The following SPOP variants were observed in gnomAD, a reference collection of about 807,000 sequenced individuals.
SPOP encodes speckle type BTB/POZ protein, also known as speckle-type POZ protein.
SPOP carries 11 observed loss-of-function variants against 45.6 expected under a neutral mutation model. That is an observed-to-expected ratio of 0.24 (90% CI 0.15 to 0.40). The LOEUF is 0.40. Among genes scored for constraint, SPOP ranks in the 10% least tolerant of loss-of-function variants. The pLI, the probability that SPOP is intolerant of heterozygous loss-of-function variation, is 1.00. For synonymous variants in SPOP, 166 were observed against 166.3 expected (o/e 1.00, Z 0.01); for missense variants, 152 against 465.6 (o/e 0.33, Z 6.20).
chr17:49,612,683 C>T (rs1293831582), intron 5 of SPOP: 1 of 152,238 alleles, frequency 6.6e-6, no homozygotes, highest in African/African-American at 2.4e-5. Context: ...AGATAGGACA[C>T]TGCAGATCAG....
chr17:49,647,336 A>T (rs940436377), intron 1 of SPOP, among the ~76,000 whole-genome samples: 22 of 151,004 alleles, frequency 1.5e-4, no homozygotes, highest in African/African-American at 5.1e-4. Context: ...AAAAAAAAAA[A>T]AAAAAAAGTT....
At chr17:49,603,423 T>G (rs2071776746) in intron 8 of SPOP, among the ~76,000 whole-genome samples, 1 of 152,222 alleles carries the variant, frequency 6.6e-6, no homozygotes, top group Non-Finnish European at 1.5e-5. Flanking sequence ...TATTGCATAA[T>G]TAGACAAAAG....
Position 49,619,519 on chromosome 17 carries a change from T to A in SPOP, c.201-134A>T. 3.9e-6 allele frequency: 4 copies of A among 1,020,058 alleles called. No homozygotes were observed. Among genetic ancestry groups the A allele is most frequent in the Non-Finnish European group, 5.6e-6 (4 of 719,200 alleles). 63.2% of individuals were successfully genotyped at this position (1,020,058 alleles called of 1,614,324 possible). ...GAAGAATATAATTCAGTAGAATGAC[T>A]AGTTGGGAACAACTTTTTTCTCTTT... On this transcript the variant is annotated intron_variant, in intron 3 of 9. Transcript: ENST00000504102. The surrounding 1 kb of genome is among the most constrained non-coding windows in gnomAD (Gnocchi z 4.9).
chr17:49,600,465 G>T lies in SPOP; in HGVS notation c.1038C>A (p.Pro346=), dbSNP rs752649235. 1.2e-6 allele frequency: 2 copies of T among 1,614,094 alleles called. No homozygotes were observed. The highest frequency in any genetic ancestry group is 2.2e-5 in the South Asian group (2 of 91,078). ...AGCGGTATGCCTCAGCCACCAAGTG[G>T]GGATGTGACACCACCATTGACTTCC... ...SGWKSMVVSH[P]HLVAEAYRSL... is the part of the protein sequence containing the mutation. The change falls in exon 10 of 10, where the codon CCC becomes CCA. Residue 346 remains proline, a synonymous_variant. Transcript: ENST00000504102. The surrounding 1 kb of genome is among the most constrained non-coding windows in gnomAD (Gnocchi z 4.2).
At chr17:49,632,613 C>T (rs1249663636) in intron 1 of SPOP, among the ~76,000 whole-genome samples, 2 of 152,104 alleles carry the variant, frequency 1.3e-5, no homozygotes, top group Non-Finnish European at 2.9e-5. Context: ...CCGCCTTAGC[C>T]TCCCAAGTAG....
intron 1 of SPOP, among the ~76,000 whole-genome samples, chr17:49,630,364 T>C (rs1340584335): frequency 6.6e-6 from 1 of 152,220 alleles, no homozygotes; most frequent in Non-Finnish European, 1.5e-5. Context: ...CATACTGACT[T>C]CTACTGTTGC....
intron 1 of SPOP, among the ~76,000 whole-genome samples, chr17:49,623,333 T>C (rs1456088157): frequency 6.6e-6 from 1 of 152,136 alleles, no homozygotes; most frequent in East Asian, 1.9e-4. Flanking sequence ...AATGTTAACA[T>C]CAGAGAAGAC....
chr17:49,677,076 T>C lies in SPOP; in HGVS notation c.-67+857A>G, dbSNP rs574352463. Among the ~76,000 whole-genome samples, 8 of 152,328 alleles carry C rather than the reference T, an allele frequency of 5.3e-5. No homozygotes were observed. The East Asian group carries it at 1.3e-3, about 26-fold the overall frequency. On this transcript the variant is annotated intron_variant, in intron 1 of 9. Transcript: ENST00000504102. ...ACACAAAGTAAGAAGGCCGGTGCCCTTTATCTCTCTTATCTAGTTCTGCGA... is the reference window on the plus strand; with the variant it reads ...ACACAAAGTAAGAAGGCCGGTGCCCCTTATCTCTCTTATCTAGTTCTGCGA...
At position 49,665,649 on chromosome 17, in the gene SPOP, GACACACACACACAC is replaced by G. The variant is rs71352530; in HGVS notation, c.-67+12270_-67+12283del. Among the ~76,000 whole-genome samples the G allele has an allele frequency of 4.1e-3, 517 of 126,764 alleles. 4 individuals carry two copies. Among genetic ancestry groups the G allele is most frequent in the East Asian group, 0.01 (44 of 4,202 alleles). The allele number at this position is 126,764 out of a possible 152,430, so 83.2% of individuals were successfully genotyped here. On this transcript the variant is annotated intron_variant, in intron 1 of 9. Transcript: ENST00000504102. ...CAAAAAAAGATTATATATATATACA[GACACACACACACAC>G]ACACACACACACACACACACACACA...
intron 1 of SPOP, among the ~76,000 whole-genome samples, chr17:49,664,692 C>T (rs2073030215): frequency 6.6e-6 from 1 of 152,158 alleles, no homozygotes; most frequent in African/African-American, 2.4e-5. Flanking sequence ...CACTTCCTCA[C>T]CCGCAACTGA....
intron 1 of SPOP, among the ~76,000 whole-genome samples, chr17:49,666,480 C>A (rs2073060632): frequency 6.6e-6 from 1 of 151,486 alleles, no homozygotes; most frequent in African/African-American, 2.4e-5. Context: ...CACACACACA[C>A]ACACACACAC....
chr17:49,655,312 C>T (rs1412284751), intron 1 of SPOP, among the ~76,000 whole-genome samples: 4 of 152,056 alleles, frequency 2.6e-5, no homozygotes, highest in African/African-American at 4.8e-5. Flanking sequence ...GAGATCGAGA[C>T]CATCCTGGCT....
intron 1 of SPOP, among the ~76,000 whole-genome samples, chr17:49,677,249 G>A (rs758685990): frequency 4.6e-5 from 7 of 152,150 alleles, no homozygotes; most frequent in Non-Finnish European, 8.8e-5. Context: ...GTACTAAAAG[G>A]TACAAGCACA....
intron 1 of SPOP, among the ~76,000 whole-genome samples, chr17:49,659,671 G>A (rs1038219383): frequency 2.0e-5 from 3 of 152,136 alleles, no homozygotes; most frequent in Non-Finnish European, 4.4e-5. Flanking sequence ...CCATCAACAA[G>A]CGGATGATAT....
intron 1 of SPOP, among the ~76,000 whole-genome samples, chr17:49,636,481 C>A (rs2072544897): frequency 6.6e-6 from 1 of 152,120 alleles, no homozygotes; most frequent in Non-Finnish European, 1.5e-5. Context: ...CTGGCTTACT[C>A]CAGGTAAGAA....
intron 1 of SPOP, among the ~76,000 whole-genome samples, chr17:49,635,035 A>G (rs1406059937): frequency 6.6e-6 from 1 of 152,178 alleles, no homozygotes; most frequent in Non-Finnish European, 1.5e-5. Context: ...AAGAGAAGGG[A>G]GGTATATGTA....
At chr17:49,622,966 G>T in intron 1 of SPOP, 90 bp from the exon 2 acceptor site, 1 of 622,768 alleles carries the variant, frequency 1.6e-6, no homozygotes. Context: ...TGGAAATTTT[G>T]TCTCCACATT....
At chr17:49,659,293 A>C (rs190345448) in intron 1 of SPOP, among the ~76,000 whole-genome samples, 123 of 152,338 alleles carry the variant, frequency 8.1e-4, no homozygotes, top group African/African-American at 2.9e-3. Flanking sequence ...AACTCAGTGC[A>C]ATAGACCCAA....
intron 1 of SPOP, among the ~76,000 whole-genome samples, chr17:49,631,401 C>G (rs1301663694): frequency 6.6e-6 from 1 of 152,150 alleles, no homozygotes; most frequent in Non-Finnish European, 1.5e-5. Flanking sequence ...TGGGAGGAAA[C>G]TGGGTACACC....
Sources: gnomAD v4.1 joint callset for allele counts (sites outside exome capture counted in the v4.1 genomes callset) on GRCh38, gnomAD v4.1.1 for gene constraint, Gnocchi (gnomAD v3.1) non-coding constraint, MANE v1.5 for transcripts, NCBI Gene and HGNC (gene_info 2026-07-23, HGNC 2026-07-21) for gene names.